Variants in CFAP91 observed in about 807,000 individuals in gnomAD.
The protein encoded by CFAP91 is cilia- and flagella-associated protein 91.
A neutral mutation model predicts 95.9 loss-of-function variants in CFAP91; 85 were observed. The observed-to-expected ratio is 0.89, with a 90% confidence interval of 0.74 to 1.06. The LOEUF (loss-of-function observed/expected upper bound fraction) is 1.06. CFAP91 is among the 50% of genes least tolerant of loss of function. The pLI, the probability that CFAP91 is intolerant of heterozygous loss-of-function variation, is 0.00. For synonymous variants in CFAP91, 335 were observed against 327.5 expected, an observed-to-expected ratio of 1.02 and a Z score of -0.25; for missense variants, 962 against 943.4, an observed-to-expected ratio of 1.02 and a Z score of -0.26.
intron 12 of CFAP91, among the ~76,000 whole-genome samples, chr3:119,740,104 T>C (rs2054087319): frequency 6.6e-6 from 1 of 152,252 alleles, no homozygotes; most frequent in Non-Finnish European, 1.5e-5. Flanking sequence ...TGTTCTTTAC[T>C]CTTCTTTCAG....
intron 17 of CFAP91, among the ~76,000 whole-genome samples, chr3:119,754,799 G>A (rs1460505739): frequency 6.6e-6 from 1 of 152,192 alleles, no homozygotes; most frequent in East Asian, 1.9e-4. Flanking sequence ...AGAGCTACAG[G>A]GACAGGACAC....
intron 3 of CFAP91, among the ~76,000 whole-genome samples, chr3:119,708,185 G>T (rs1055462703): frequency 2.0e-5 from 3 of 151,362 alleles, no homozygotes; most frequent in Admixed American, 6.6e-5. Flanking sequence ...GGAGGCTGAG[G>T]CAGGAGAATG....
At chr3:119,708,302 G>A (rs1316294976) in intron 3 of CFAP91, among the ~76,000 whole-genome samples, 1 of 150,620 alleles carries the variant, frequency 6.6e-6, no homozygotes, top group Non-Finnish European at 1.5e-5. Flanking sequence ...TTAATATTTT[G>A]CTATTCTTGT....
chr3:119,715,280 C>G (rs1449420620), intron 5 of CFAP91: 2 of 522,140 alleles, frequency 3.8e-6, no homozygotes, highest in Middle Eastern at 2.9e-4. Context: ...TAGCTCTGTT[C>G]TACAACCTTG....
At chr3:119,712,971 C>CAAA (rs200784810) in intron 5 of CFAP91, among the ~76,000 whole-genome samples, 1 of 117,160 alleles carries the variant, frequency 8.5e-6, no homozygotes, top group African/African-American at 3.2e-5. Flanking sequence ...CAAAACAAGA[C>CAAA]AAAAAAAAAA....
intron 17 of CFAP91, among the ~76,000 whole-genome samples, chr3:119,752,578 A>G (rs1197313426): frequency 6.6e-6 from 1 of 152,192 alleles, no homozygotes; most frequent in African/African-American, 2.4e-5. Context: ...CTACCTTATT[A>G]TTGTGATAAA....
In CFAP91 at chr3:119,707,562, G is replaced by A. The variant is rs146004663; in HGVS notation, c.359+1G>A. The A allele has an allele frequency of 3.0e-4, 465 of 1,559,196 alleles. No individual in the cohort carries two copies. Among genetic ancestry groups the A allele is most frequent in the Non-Finnish European group, 3.9e-4 (443 of 1,143,112 alleles). The stretch of plus-strand genomic sequence containing the variant: ...GAGAAGCCCTCCGGCAGCTCACCAC[G>A]TAAGTGTCGGGTGGCTCCAGGGCCT... On this transcript the variant is annotated splice_donor_variant, in intron 3 of 17. Transcript: ENST00000273390. LOFTEE classifies it high-confidence loss of function.
chr3:119,723,697 A>G (rs2053726924), intron 6 of CFAP91, among the ~76,000 whole-genome samples: 1 of 152,204 alleles, frequency 6.6e-6, no homozygotes, highest in Non-Finnish European at 1.5e-5. Context: ...CTTTTACTAG[A>G]CAGGAAGTAT....
intron 6 of CFAP91, among the ~76,000 whole-genome samples, chr3:119,716,649 C>T (rs1040195956): frequency 3.9e-5 from 6 of 152,272 alleles, no homozygotes; most frequent in Admixed American, 1.3e-4. Context: ...TGCAGTGGTG[C>T]GATCTTGGCT....
chr3:119,703,043 C>A lies in CFAP91; in HGVS notation c.-56C>A. The A allele has an allele frequency of 6.5e-7, 1 of 1,533,230 alleles. No individual in the cohort carries two copies. 95.0% of individuals were successfully genotyped at this position (1,533,230 alleles called of 1,614,324 possible). A position where few individuals can be genotyped will look rare whatever the true frequency, so the allele number is the denominator to read the frequency against. Reference sequence around the variant, plus strand: ...GGCCGTTACCATAGCGACGTGCACGCAGTAGCCAGGCCTGACCCGCTGGTC... The same window carrying A: ...GGCCGTTACCATAGCGACGTGCACGAAGTAGCCAGGCCTGACCCGCTGGTC... On this transcript the variant is annotated 5_prime_UTR_variant, in exon 1 of 18. Transcript: ENST00000273390.
intron 17 of CFAP91, among the ~76,000 whole-genome samples, chr3:119,762,448 A>G (rs2054553405): frequency 6.6e-6 from 1 of 152,058 alleles, no homozygotes; most frequent in South Asian, 2.1e-4. Context: ...CTCTATCAAA[A>G]TTCCAATGAC....
intron 13 of CFAP91, among the ~76,000 whole-genome samples, chr3:119,743,475 A>G (rs1024185534): frequency 2.6e-5 from 4 of 152,184 alleles, no homozygotes; most frequent in Admixed American, 1.3e-4. Context: ...AAAAAAGTAA[A>G]AAGTACCAAG....
At chr3:119,753,833 C>T (rs530859302) in intron 17 of CFAP91, among the ~76,000 whole-genome samples, 10 of 152,294 alleles carry the variant, frequency 6.6e-5, no homozygotes, top group Admixed American at 2.0e-4. Flanking sequence ...CCCCCAAGTC[C>T]GCACAGTCCA....
intron 3 of CFAP91, among the ~76,000 whole-genome samples, chr3:119,708,205 C>T (rs2053407712): frequency 6.7e-6 from 1 of 149,540 alleles, no homozygotes; most frequent in African/African-American, 2.5e-5. Flanking sequence ...GGCATGAACC[C>T]AGGAGGTGGA....
intron 17 of CFAP91, among the ~76,000 whole-genome samples, chr3:119,764,271 C>T (rs2054591492): frequency 6.6e-6 from 1 of 152,054 alleles, no homozygotes; most frequent in African/African-American, 2.4e-5. Flanking sequence ...CATTCATAAG[C>T]AGGGCTGCTC....
intron 7 of CFAP91, among the ~76,000 whole-genome samples, chr3:119,727,736 C>T (rs2053811638): frequency 6.6e-6 from 1 of 152,074 alleles, no homozygotes; most frequent in South Asian, 2.1e-4. Flanking sequence ...CTTGGTGGAA[C>T]CCAGGTGAAA....
chr3:119,753,442 A>G (rs1235471239), intron 17 of CFAP91, among the ~76,000 whole-genome samples: 1 of 152,192 alleles, frequency 6.6e-6, no homozygotes, highest in Admixed American at 6.5e-5. Context: ...ACTTAACGAG[A>G]TCCTTGGTTT....
rs768560035 is a variant in CFAP91 at position 119,726,171 on chromosome 3, G to T, written c.683G>T (p.Gly228Val). 6.2e-7 allele frequency: 1 copy of T among 1,607,568 alleles called. No homozygotes were observed. The highest frequency in any genetic ancestry group is 1.3e-5 in the African/African-American group (1 of 74,868). ...ELLTLATLTW[G>V]RGLPAGQAEV... ...TAAGCTGTGCTGCTTTATCCTGCAG[G>T]TCGGGGTCTCCCAGCAGGACAAGCT... Residue 228 changes from glycine (G) to valine (V), a missense_variant and splice_region_variant, in exon 7 of 18, where the codon GGT becomes GTT. Coordinates refer to ENST00000273390, the MANE Select transcript of CFAP91 (RefSeq NM_033364.4).
At chr3:119,708,761 T>C (rs2053421261) in intron 4 of CFAP91, 87 bp downstream of exon 4, 4 of 804,960 alleles carry the variant, frequency 5.0e-6, no homozygotes, top group Admixed American at 2.5e-5. Context: ...CATTTTTCAG[T>C]GCATACAACG....
Sources: allele counts gnomAD v4.1 joint callset (sites outside exome capture counted in the v4.1 genomes callset), GRCh38; gene constraint gnomAD v4.1.1; transcripts MANE v1.5; gene names NCBI Gene and HGNC (gene_info 2026-07-23, HGNC 2026-07-21).